Variants in DACH1 observed in about 807,000 individuals in gnomAD.
DACH1 encodes dachshund family transcription factor 1.
Under a neutral mutation model 54.2 loss-of-function variants are expected in DACH1, and 12 were observed. That is an observed-to-expected ratio of 0.22 (90% CI 0.14 to 0.36). DACH1 has a LOEUF of 0.36. Among genes scored for constraint, DACH1 ranks in the 10% least tolerant of loss-of-function variants. The pLI, the probability that DACH1 is intolerant of heterozygous loss-of-function variation, is 1.00. For missense variants in DACH1, 805 were observed against 929.8 expected (o/e 0.87, Z 1.75); for synonymous variants, 386 against 366.2 (o/e 1.05, Z -0.62).
intron 2 of DACH1, among the ~76,000 whole-genome samples, chr13:71,651,656 ATGTAT>A (rs1566406903): frequency 4.1e-5 from 6 of 147,048 alleles, no homozygotes; most frequent in African/African-American, 1.2e-4. Context: ...ATGCATGTAT[ATGTAT>A]CTGTATCTGT....
chr13:71,451,785 T>A (rs1371779037), intron 10 of DACH1, among the ~76,000 whole-genome samples: 1 of 152,208 alleles, frequency 6.6e-6, no homozygotes, highest in African/African-American at 2.4e-5. Flanking sequence ...AAGGACATTA[T>A]TGGGTCAAAT....
intron 3 of DACH1, among the ~76,000 whole-genome samples, chr13:71,594,737 G>C (rs1407003123): frequency 6.6e-6 from 1 of 151,892 alleles, no homozygotes; most frequent in Non-Finnish European, 1.5e-5. Flanking sequence ...CAACAAACCG[G>C]CCCCTAGTTC....
intron 2 of DACH1, among the ~76,000 whole-genome samples, chr13:71,652,067 T>G (rs1248598674): frequency 6.6e-6 from 1 of 152,280 alleles, no homozygotes; most frequent in South Asian, 2.1e-4. Flanking sequence ...ATCGTATTCC[T>G]ATTTGTTTCA....
intron 1 of DACH1, among the ~76,000 whole-genome samples, chr13:71,786,011 C>G (rs772030098): frequency 6.6e-6 from 1 of 151,974 alleles, no homozygotes; most frequent in Non-Finnish European, 1.5e-5. Flanking sequence ...CAGCTTGGAA[C>G]AAGGCAAATG....
chr13:71,558,436 G>GA (rs1490940467), intron 5 of DACH1, among the ~76,000 whole-genome samples: 7 of 151,558 alleles, frequency 4.6e-5, no homozygotes, highest in African/African-American at 1.5e-4. Flanking sequence ...ATCAAAAATT[G>GA]AAAAAAGAAT....
At chr13:71,861,229 T>A (rs1282101166) in intron 1 of DACH1, among the ~76,000 whole-genome samples, 1 of 152,030 alleles carries the variant, frequency 6.6e-6, no homozygotes, top group Non-Finnish European at 1.5e-5. Flanking sequence ...AAAAAGCCTG[T>A]CGTGTAGTTT....
At chr13:71,688,659 TG>T (rs1196970299) in intron 1 of DACH1, among the ~76,000 whole-genome samples, 1 of 152,166 alleles carries the variant, frequency 6.6e-6, no homozygotes, top group African/African-American at 2.4e-5. Flanking sequence ...CAGAGGTCCA[TG>T]GGGCACCTGC....
intron 1 of DACH1, among the ~76,000 whole-genome samples, chr13:71,811,675 T>C (rs1191564916): frequency 6.6e-6 from 1 of 152,194 alleles, no homozygotes; most frequent in Non-Finnish European, 1.5e-5. Flanking sequence ...TCTCTACCTT[T>C]GCTGTTTCAC....
At chr13:71,549,238 A>C (rs1450012164) in intron 6 of DACH1, among the ~76,000 whole-genome samples, 1 of 152,162 alleles carries the variant, frequency 6.6e-6, no homozygotes, top group Non-Finnish European at 1.5e-5. Context: ...TTTCAATGTG[A>C]AACTGATAAG....
chr13:71,701,859 C>T (rs1345674115), intron 1 of DACH1, among the ~76,000 whole-genome samples: 1 of 152,078 alleles, frequency 6.6e-6, no homozygotes, highest in Non-Finnish European at 1.5e-5. Flanking sequence ...TATATAGTTG[C>T]TTTTCAACAG....
intron 1 of DACH1, among the ~76,000 whole-genome samples, chr13:71,842,574 T>A (rs1255326567): frequency 6.6e-6 from 1 of 151,966 alleles, no homozygotes; most frequent in African/African-American, 2.4e-5. Context: ...TATGACCCAG[T>A]CTGATTAAAA....
At chr13:71,483,411 G>A (rs1878222491) in intron 7 of DACH1, among the ~76,000 whole-genome samples, 1 of 145,786 alleles carries the variant, frequency 6.9e-6, no homozygotes, top group African/African-American at 2.5e-5. Flanking sequence ...TAAATTTAAT[G>A]TTACAGTTAA....
At chr13:71,573,601 G>T in intron 3 of DACH1, 1 of 479,276 alleles carries the variant, frequency 2.1e-6, no homozygotes, top group Non-Finnish European at 3.8e-6. Flanking sequence ...AAATTACTTG[G>T]ATATAATATT....
intron 6 of DACH1, among the ~76,000 whole-genome samples, chr13:71,550,654 T>A (rs1307610400): frequency 6.6e-6 from 1 of 152,120 alleles, no homozygotes; most frequent in Non-Finnish European, 1.5e-5. Flanking sequence ...TAGAAATAAT[T>A]CATAAAATAA....
chr13:71,721,210 AT>A (rs1231003848), intron 1 of DACH1, among the ~76,000 whole-genome samples: 1 of 152,058 alleles, frequency 6.6e-6, no homozygotes, highest in Non-Finnish European at 1.5e-5. Flanking sequence ...ACCACAGTAA[AT>A]TTTTTCATTG....
chr13:71,519,907 A>ATC (rs1566312768), intron 6 of DACH1, among the ~76,000 whole-genome samples: 3 of 137,644 alleles, frequency 2.2e-5, no homozygotes, highest in African/African-American at 7.7e-5. Flanking sequence ...ATATATATAT[A>ATC]TCCTAACTAA....
chr13:71,666,790 G>A (rs958218348), intron 2 of DACH1, among the ~76,000 whole-genome samples: 1 of 152,018 alleles, frequency 6.6e-6, no homozygotes, highest in African/African-American at 2.4e-5. Flanking sequence ...AGACCACCCT[G>A]GCCAACATGG....
intron 6 of DACH1, among the ~76,000 whole-genome samples, chr13:71,549,651 C>G (rs1211207138): frequency 6.6e-6 from 1 of 152,086 alleles, no homozygotes; most frequent in East Asian, 1.9e-4. Flanking sequence ...ATAAATGACT[C>G]TATTTTTAAA....
intron 6 of DACH1, among the ~76,000 whole-genome samples, chr13:71,519,883 G>GTGTATATATATATATATATATATA (rs552808622): frequency 0.087 from 2,531 of 29,132 alleles, 673 homozygotes; most frequent in Non-Finnish European, 0.19. Flanking sequence ...AACCAAAGTA[G>GTGTATATATATATATATATATATA]TATATATATA....
Sources: gnomAD v4.1 joint callset for allele counts (sites outside exome capture counted in the v4.1 genomes callset) on GRCh38, gnomAD v4.1.1 for gene constraint, MANE v1.5 for transcripts, NCBI Gene and HGNC (gene_info 2026-07-23, HGNC 2026-07-21) for gene names.